The following RAB37 variants were observed in gnomAD, a reference collection of about 807,000 sequenced individuals.
RAB37 encodes ras-related protein Rab-37.
RAB37 carries 29 observed loss-of-function variants against 33.1 expected under a neutral mutation model. That is an observed-to-expected ratio of 0.88 (90% confidence interval 0.65 to 1.20). RAB37 has a LOEUF of 1.20. Among genes scored for constraint, RAB37 ranks in the 50% most tolerant of loss-of-function variants. The pLI is 0.00. For synonymous variants in RAB37, 128 were observed against 119.5 expected (o/e 1.07, Z -0.47); for missense variants, 299 against 301.1 (o/e 0.99, Z 0.05).
chr17:74,716,125 G>T (rs942816923), intron 1 of RAB37, among the ~76,000 whole-genome samples: 6 of 152,160 alleles, frequency 3.9e-5, no homozygotes, highest in African/African-American at 1.4e-4. Flanking sequence ...CGGCTCTTCT[G>T]CAGGCCTTGC....
chr17:74,685,939 CA>C (rs1357275359), intron 1 of RAB37, among the ~76,000 whole-genome samples: 1 of 152,150 alleles, frequency 6.6e-6, no homozygotes, highest in Non-Finnish European at 1.5e-5. Context: ...GAGGAGCAAA[CA>C]ACAGCATCCC....
At chr17:74,706,304 A>G (rs2033507653) in intron 1 of RAB37, among the ~76,000 whole-genome samples, 1 of 150,338 alleles carries the variant, frequency 6.7e-6, no homozygotes, top group Non-Finnish European at 1.5e-5. Context: ...TATATATCCC[A>G]AAGTGCTGCG....
At chr17:74,716,605 C>T (rs1030693446) in intron 1 of RAB37, among the ~76,000 whole-genome samples, 5 of 152,120 alleles carry the variant, frequency 3.3e-5, no homozygotes, top group Non-Finnish European at 7.3e-5. Flanking sequence ...GAGCAAGTGA[C>T]GTGTCCAAGG....
At chr17:74,703,711 G>A (rs573526741) in intron 1 of RAB37, among the ~76,000 whole-genome samples, 7 of 152,294 alleles carry the variant, frequency 4.6e-5, no homozygotes, top group East Asian at 3.9e-4. Context: ...CAGAGGCTCC[G>A]GGTGCAACCT....
At position 74,743,200 on chromosome 17, in the gene RAB37, G is replaced by C; in HGVS notation, c.313+5G>C. 3 of 1,613,856 alleles carry C rather than the reference G, an allele frequency of 1.9e-6. 1 individual carries two copies. The East Asian group carries it at 6.7e-5, about 36-fold the overall frequency. ...CTTATTACAGAGATGCTCAGGGTGA[G>C]TCCCTCGCACCCTCCAACCCCTACC... On this transcript the variant is annotated splice_donor_5th_base_variant and intron_variant, in intron 4 of 8. Transcript: ENST00000392613.
chr17:74,732,893 T>C (rs962476785), upstream of RAB37, among the ~76,000 whole-genome samples: 7 of 104,022 alleles, frequency 6.7e-5, no homozygotes, highest in Admixed American at 7.5e-4. Flanking sequence ...TCACTGACAC[T>C]TGGTACCTCC....
intron 1 of RAB37, among the ~76,000 whole-genome samples, chr17:74,706,106 CAG>C (rs1331042239): frequency 6.6e-6 from 1 of 151,948 alleles, no homozygotes; most frequent in East Asian, 1.9e-4. Flanking sequence ...AAGAACAAAA[CAG>C]AGGAGGGAAG....
At chr17:74,703,690 A>G (rs2143756151) in intron 1 of RAB37, among the ~76,000 whole-genome samples, 2 of 152,318 alleles carry the variant, frequency 1.3e-5, no homozygotes, top group Middle Eastern at 3.4e-3. Flanking sequence ...TTTGCAAACT[A>G]GAATATGCCC....
intron 1 of RAB37, among the ~76,000 whole-genome samples, chr17:74,688,384 T>C (rs965296517): frequency 8.6e-5 from 13 of 151,920 alleles, no homozygotes; most frequent in Non-Finnish European, 1.2e-4. Context: ...ACCCTGTCTC[T>C]ACTAAAAAAT....
chr17:74,732,252 G>A (rs1005491522), intron 2 of RAB37, among the ~76,000 whole-genome samples: 9 of 152,180 alleles, frequency 5.9e-5, no homozygotes, highest in Admixed American at 1.3e-4. Flanking sequence ...GTAAAACCAC[G>A]TGGGGGGCCC....
At chr17:74,737,021 G>A, upstream of RAB37, 3 of 1,606,398 alleles carry the variant, frequency 1.9e-6, no homozygotes, top group Non-Finnish European at 2.5e-6. Flanking sequence ...TGTGGCTCAT[G>A]TCCGAAGCGC....
At chr17:74,682,895 A>G (rs970892517) in intron 1 of RAB37, among the ~76,000 whole-genome samples, 1 of 151,908 alleles carries the variant, frequency 6.6e-6, no homozygotes, top group African/African-American at 2.4e-5. Context: ...TAAGAGCGAA[A>G]CTCCGTCTCA....
chr17:74,711,463 C>T (rs1685743237), intron 1 of RAB37, among the ~76,000 whole-genome samples: 1 of 152,218 alleles, frequency 6.6e-6, no homozygotes, highest in South Asian at 2.1e-4. Flanking sequence ...AAACTCGGGG[C>T]CAAGTGTCCA....
rs143987315 is a variant in RAB37, at chr17:74,701,168, T to C, written c.73-28088T>C. Among the ~76,000 whole-genome samples, 718 of 152,372 alleles carry C rather than the reference T, an allele frequency of 4.7e-3. 3 individuals carry two copies. Among genetic ancestry groups the C allele is most frequent in the South Asian group, 0.038 (184 of 4,832 alleles). On this transcript the variant is annotated intron_variant, in intron 1 of 7. Transcript: ENST00000340415. ...GTTAGGGGCAACCCAAGCAAACTAA[T>C]ATAAGGATTATCTCCTTCATCACTG...
intron 1 of RAB37, among the ~76,000 whole-genome samples, chr17:74,711,376 A>T (rs1469891279): frequency 6.6e-6 from 1 of 152,186 alleles, no homozygotes; most frequent in African/African-American, 2.4e-5. Flanking sequence ...AAAAGCAGCC[A>T]TACCTGTCCT....
chr17:74,731,644 T>C (rs1018240270), intron 2 of RAB37, among the ~76,000 whole-genome samples: 2 of 152,160 alleles, frequency 1.3e-5, no homozygotes, highest in African/African-American at 2.4e-5. Context: ...TCCTCCTTGT[T>C]ACCTCTCTCC....
chr17:74,675,617 TCA>T (rs2031813369), intron 1 of RAB37, among the ~76,000 whole-genome samples: 1 of 152,124 alleles, frequency 6.6e-6, no homozygotes. Flanking sequence ...GGAAATAAAC[TCA>T]CACAACCCAT....
At chr17:74,737,139 G>A (rs757406667), upstream of RAB37, 1 of 1,589,066 alleles carries the variant, frequency 6.3e-7, no homozygotes, top group Non-Finnish European at 8.5e-7. Context: ...TGTCGTCGAG[G>A]GGGCGACGGG....
intron 2 of RAB37, among the ~76,000 whole-genome samples, chr17:74,741,587 G>GAAA (rs535783718): frequency 2.6e-4 from 33 of 127,142 alleles, no homozygotes; most frequent in African/African-American, 8.2e-4. Flanking sequence ...CTGCGTCTCA[G>GAAA]AAAAAAAAAA....
Sources: allele counts gnomAD v4.1 joint callset (sites outside exome capture counted in the v4.1 genomes callset), GRCh38; gene constraint gnomAD v4.1.1; transcripts MANE v1.5; gene names NCBI Gene and HGNC (gene_info 2026-07-23, HGNC 2026-07-21).